CYB5B: variants seen among roughly 807,000 people sequenced by gnomAD.
CYB5B encodes cytochrome b5 type B (outer mitochondrial membrane).
A neutral mutation model predicts 21.3 loss-of-function variants in CYB5B; 14 were observed. The ratio of observed to expected loss-of-function variants is 0.66; its 90% confidence interval spans 0.43 to 1.03. The LOEUF is 1.03. Among genes scored for constraint, CYB5B ranks in the 50% least tolerant of loss-of-function variants. The probability of loss-of-function intolerance (pLI) is 0.00; values close to 1 mark genes in which losing one functional copy is unlikely to be tolerated. For synonymous variants in CYB5B, 69 were observed against 68.4 expected, an observed-to-expected ratio of 1.01 and a Z score of -0.04; for missense variants, 166 against 185.1, an observed-to-expected ratio of 0.90 and a Z score of 0.60.
At chr16:69,445,417 T>TA (rs2014868027) in intron 1 of CYB5B, among the ~76,000 whole-genome samples, 1 of 152,206 alleles carries the variant, frequency 6.6e-6, no homozygotes, top group African/African-American at 2.4e-5. Flanking sequence ...AAGTAACACT[T>TA]ACAGTTTTTA....
At chr16:69,458,454 T>C (rs556443566) in intron 3 of CYB5B, among the ~76,000 whole-genome samples, 11 of 152,236 alleles carry the variant, frequency 7.2e-5, no homozygotes, top group Non-Finnish European at 1.5e-4. Flanking sequence ...CTGTGAAGTT[T>C]GTAGCATATA....
chr16:69,430,000 G>A (rs1310363481), intron 1 of CYB5B, among the ~76,000 whole-genome samples: 1 of 152,006 alleles, frequency 6.6e-6, no homozygotes, highest in African/African-American at 2.4e-5. Flanking sequence ...GTCTTTCCCT[G>A]GCAGATTAAT....
chr16:69,455,212 C>T (rs1001293075), intron 3 of CYB5B, among the ~76,000 whole-genome samples: 3 of 151,946 alleles, frequency 2.0e-5, no homozygotes, highest in Non-Finnish European at 2.9e-5. Context: ...TGTCGTAATG[C>T]GTCATAATCA....
intron 4 of CYB5B, 65 bp from the exon 5 acceptor site, chr16:69,462,365 T>C (rs1283119934): frequency 6.1e-6 from 8 of 1,303,056 alleles, no homozygotes; most frequent in Non-Finnish European, 8.9e-6. Context: ...ATGTGAAAGC[T>C]GAAAGATAGT....
chr16:69,457,052 T>G (rs1160415738), intron 3 of CYB5B, among the ~76,000 whole-genome samples: 1 of 152,206 alleles, frequency 6.6e-6, no homozygotes, highest in East Asian at 1.9e-4. Context: ...GGTCTTTTTT[T>G]TGCGTCCCCA....
At chr16:69,435,937 C>T (rs750103097) in intron 1 of CYB5B, among the ~76,000 whole-genome samples, 5 of 152,120 alleles carry the variant, frequency 3.3e-5, no homozygotes, top group African/African-American at 4.8e-5. Flanking sequence ...TGTGCCTGGC[C>T]TAACATTATA....
chr16:69,453,467 G>A (rs1227942973), intron 3 of CYB5B, among the ~76,000 whole-genome samples: 1 of 152,080 alleles, frequency 6.6e-6, no homozygotes, highest in Admixed American at 6.5e-5. Context: ...TTTGGAATGG[G>A]ATGCTGATGC....
chr16:69,452,941 A>T (rs2014950496), intron 3 of CYB5B, among the ~76,000 whole-genome samples: 2 of 151,358 alleles, frequency 1.3e-5, no homozygotes, highest in African/African-American at 4.9e-5. Context: ...GGAGGTTGCA[A>T]TGAGCCGAGA....
At chr16:69,461,188 A>T (rs1190390117) in intron 4 of CYB5B, among the ~76,000 whole-genome samples, 1 of 149,830 alleles carries the variant, frequency 6.7e-6, no homozygotes, top group African/African-American at 2.5e-5. Context: ...CTGGGTGACA[A>T]TGAGACTCCG....
intron 1 of CYB5B, among the ~76,000 whole-genome samples, chr16:69,435,787 G>A (rs1363969144): frequency 6.6e-6 from 1 of 151,858 alleles, no homozygotes; most frequent in Non-Finnish European, 1.5e-5. Flanking sequence ...ACAGGTACCC[G>A]CCACCACACC....
chr16:69,460,812 A>G (rs1307864796), intron 4 of CYB5B, among the ~76,000 whole-genome samples: 2 of 152,212 alleles, frequency 1.3e-5, no homozygotes, highest in Non-Finnish European at 2.9e-5. Flanking sequence ...ACTACAAAAC[A>G]ATAAAAATAA....
At chr16:69,439,198 C>T (rs1468976938) in intron 1 of CYB5B, among the ~76,000 whole-genome samples, 1 of 152,148 alleles carries the variant, frequency 6.6e-6, no homozygotes, top group African/African-American at 2.4e-5. Context: ...AGTTTCCCAG[C>T]ATCATTTGTT....
Position 69,462,883 on chromosome 16 carries a change from A to G in CYB5B, c.*363A>G, listed in dbSNP as rs1057505554. On this transcript the variant is annotated 3_prime_UTR_variant, in exon 5 of 5. Transcript: ENST00000307892. ...TGATTGCATATTAGACATTCTTAACAGGGCGGCAGTCTAGTGTTGAAAGTT... is the reference window on the plus strand; with the variant it reads ...TGATTGCATATTAGACATTCTTAACGGGGCGGCAGTCTAGTGTTGAAAGTT... The G allele has an allele frequency of 5.8e-6, 1 of 171,164 alleles. No individual in the cohort carries two copies. The highest frequency in any genetic ancestry group is 2.4e-5 in the African/African-American group (1 of 42,232). 10.6% of individuals were successfully genotyped at this position (171,164 alleles called of 1,614,324 possible).
intron 1 of CYB5B, among the ~76,000 whole-genome samples, chr16:69,436,906 A>G (rs1289160155): frequency 6.6e-6 from 1 of 152,224 alleles, no homozygotes; most frequent in Non-Finnish European, 1.5e-5. Context: ...TAGAATTAGT[A>G]ATCTGGAAGT....
At chr16:69,425,146 A>G (rs1597277317) in intron 1 of CYB5B, among the ~76,000 whole-genome samples, 1 of 152,110 alleles carries the variant, frequency 6.6e-6, no homozygotes, top group East Asian at 1.9e-4. Flanking sequence ...TCTTTATTTT[A>G]CAGAAAGGGA....
At chr16:69,427,560 T>A (rs996253408) in intron 1 of CYB5B, among the ~76,000 whole-genome samples, 5 of 152,060 alleles carry the variant, frequency 3.3e-5, no homozygotes, top group Admixed American at 6.6e-5. Flanking sequence ...TGAGACAAGG[T>A]CTTACTTTCA....
rs1462149096 is a variant in CYB5B at position 69,463,543 on chromosome 16, T to C, written c.*1023T>C. 6.6e-6 allele frequency: 1 copy of C among 152,216 alleles called. No individual in the cohort carries two copies. Among genetic ancestry groups the C allele is most frequent in the Non-Finnish European group, 1.5e-5 (1 of 68,038 alleles). 9.4% of individuals were successfully genotyped at this position (152,216 alleles called of 1,614,324 possible). ...GTAAAATATAAATGTATAATTATGT[T>C]TGTAGAGCTTTACCAAGGAGTTTCC... On this transcript the variant is annotated 3_prime_UTR_variant, in exon 5 of 5. Coordinates refer to ENST00000307892, the MANE Select transcript of CYB5B (RefSeq NM_030579.3).
At chr16:69,455,702 C>T (rs752954759) in intron 3 of CYB5B, among the ~76,000 whole-genome samples, 2 of 152,050 alleles carry the variant, frequency 1.3e-5, no homozygotes, top group Admixed American at 6.6e-5. Flanking sequence ...CATGAGCCAC[C>T]GCGACTGGCC....
At chr16:69,460,858 C>T (rs1312685593) in intron 4 of CYB5B, among the ~76,000 whole-genome samples, 1 of 152,120 alleles carries the variant, frequency 6.6e-6, no homozygotes, top group Non-Finnish European at 1.5e-5. Context: ...AGATGGATCT[C>T]CAAGAAGAAA....
Sources: gnomAD v4.1 joint callset for allele counts (sites outside exome capture counted in the v4.1 genomes callset) on GRCh38, gnomAD v4.1.1 for gene constraint, MANE v1.5 for transcripts, NCBI Gene and HGNC (gene_info 2026-07-23, HGNC 2026-07-21) for gene names.